The following BCAS3 variants were observed in gnomAD, a reference collection of about 807,000 sequenced individuals.
BCAS3 encodes the protein BCAS4/BCAS3 fusion.
A neutral mutation model predicts 116.1 loss-of-function variants in BCAS3; 53 were observed. The observed-to-expected ratio is 0.46, with a 90% CI of 0.37 to 0.57. The LOEUF (loss-of-function observed/expected upper bound fraction) is 0.57, where lower values mean the gene tolerates loss of function less well. BCAS3 is among the 20% of genes least tolerant of loss of function. BCAS3 has a pLI of 0.00. For missense variants in BCAS3, 917 were observed against 1,165.4 expected, an observed-to-expected ratio of 0.79 and a Z score of 3.10; for synonymous variants, 391 against 408.2, an observed-to-expected ratio of 0.96 and a Z score of 0.51.
Position 61,008,392 on chromosome 17 carries a change from A to AT in BCAS3, c.1487-7353dup, listed in dbSNP as rs1329309666. On this transcript the variant is annotated intron_variant, in intron 15 of 23. Transcript: ENST00000407086. This position sits in a 1 kb window ranked among gnomAD's most constrained non-coding sequence, Gnocchi z 4.6. ...CAGGAAATTCCCTTCTACACAGGGT[A>AT]TTTTTTGTTAAATAACTATTGAGAG... Among the ~76,000 whole-genome samples, 3 of 152,034 alleles carry AT rather than the reference A, an allele frequency of 2.0e-5. No individual in the cohort carries two copies. The East Asian group carries it at 5.8e-4, about 29-fold the overall frequency.
chr17:61,377,541 G>A lies in BCAS3; in HGVS notation c.2593+9047G>A, dbSNP rs1011531949. 2.0e-5 allele frequency among the ~76,000 whole-genome samples: 3 copies of A among 152,184 alleles called. No homozygotes were observed. The highest frequency in any genetic ancestry group is 7.2e-5 in the African/African-American group (3 of 41,440). On this transcript the variant is annotated intron_variant, in intron 23 of 23. Transcript: ENST00000407086. This position sits in a 1 kb window ranked among gnomAD's most constrained non-coding sequence, Gnocchi z 4.6. ...GGATTTGAAGCCCTCATCAAGCAATGGGGTAAACCTGTGACCCTGGGCAAG... is the reference window on the plus strand; with the variant it reads ...GGATTTGAAGCCCTCATCAAGCAATAGGGTAAACCTGTGACCCTGGGCAAG...
intron 22 of BCAS3, among the ~76,000 whole-genome samples, chr17:61,277,473 CAA>C (rs987912103): frequency 4.0e-5 from 6 of 151,866 alleles, no homozygotes; most frequent in African/African-American, 1.5e-4. Flanking sequence ...AAAGTACAAA[CAA>C]GAGAAAAATA....
intron 2 of BCAS3, among the ~76,000 whole-genome samples, chr17:60,681,424 C>T (rs879535457): frequency 1.1e-4 from 16 of 151,624 alleles, no homozygotes; most frequent in African/African-American, 1.5e-4. Flanking sequence ...CGCTTGAACC[C>T]GGGAGGCGGA....
chr17:61,167,253 T>C (rs927444544), intron 22 of BCAS3, among the ~76,000 whole-genome samples: 1 of 152,184 alleles, frequency 6.6e-6, no homozygotes, highest in African/African-American at 2.4e-5. Flanking sequence ...AATTGCAAAA[T>C]TAATGGCACA....
At chr17:61,053,659 G>T (rs1295436228) in intron 19 of BCAS3, among the ~76,000 whole-genome samples, 1 of 152,154 alleles carries the variant, frequency 6.6e-6, no homozygotes. Context: ...ATATTTCCTT[G>T]CATTGTCCAT....
chr17:60,849,111 C>G (rs1024887049), intron 7 of BCAS3, among the ~76,000 whole-genome samples: 1 of 152,064 alleles, frequency 6.6e-6, no homozygotes, highest in Non-Finnish European at 1.5e-5. Flanking sequence ...CACACAAAAC[C>G]GTTTTAAGGA....
chr17:60,929,362 A>G (rs2059520958), intron 13 of BCAS3, among the ~76,000 whole-genome samples: 1 of 152,146 alleles, frequency 6.6e-6, no homozygotes. Flanking sequence ...CAAGAAGTTA[A>G]GGCTGCAGTG....
At chr17:61,060,329 G>A (rs1459569229) in intron 19 of BCAS3, among the ~76,000 whole-genome samples, 1 of 151,262 alleles carries the variant, frequency 6.6e-6, no homozygotes, top group Non-Finnish European at 1.5e-5. Flanking sequence ...TAGAGACGGG[G>A]TTTCACCGTG....
intron 22 of BCAS3, among the ~76,000 whole-genome samples, chr17:61,353,370 G>T (rs537706081): frequency 6.6e-6 from 1 of 152,186 alleles, no homozygotes; most frequent in South Asian, 2.1e-4. Flanking sequence ...AGCTGGTGAC[G>T]CCGGCGGTCT....
chr17:61,368,437 C>T lies in BCAS3; in HGVS notation c.2536C>T (p.Arg846Ter), dbSNP rs1358817701. ...MEHTEEGLRE[R>*]LADAMAESPS... Reference sequence around the variant, plus strand: ...GCACACGGAGGAGGGCCTCCGGGAGCGACTTGCCGACGCCATGGCCGAGTC... The same window carrying T: ...GCACACGGAGGAGGGCCTCCGGGAGTGACTTGCCGACGCCATGGCCGAGTC... The change falls in exon 23 of 24, where the codon CGA (arginine) becomes TGA (stop). Residue 846 changes from arginine (R) to a stop codon, truncating the protein, a stop_gained. Coordinates refer to ENST00000407086, the MANE Select transcript of BCAS3 (RefSeq NM_017679.5). LOFTEE classifies it high-confidence loss of function. The surrounding 1 kb of genome is among the most constrained non-coding windows in gnomAD (Gnocchi z 6.0). 1.2e-6 allele frequency: 2 copies of T among 1,612,264 alleles called. No homozygotes were observed. Among genetic ancestry groups the T allele is most frequent in the South Asian group, 1.1e-5 (1 of 91,024 alleles).
chr17:61,216,393 C>A (rs778297689), intron 22 of BCAS3, among the ~76,000 whole-genome samples: 34 of 152,064 alleles, frequency 2.2e-4, no homozygotes, highest in Non-Finnish European at 4.6e-4. Flanking sequence ...GCAGTTGGCT[C>A]TAGCTAAACC....
chr17:61,105,506 G>C lies in BCAS3; in HGVS notation c.2425+20942G>C, dbSNP rs562224373. On this transcript the variant is annotated intron_variant, in intron 22 of 23. Coordinates refer to ENST00000407086, the MANE Select transcript of BCAS3 (RefSeq NM_017679.5). This position sits in a 1 kb window ranked among gnomAD's most constrained non-coding sequence, Gnocchi z 4.3. ...ATGGCGCGACCTTGGCTCAAAGCAA[G>C]CTCTGTCTCCTAGATTCAAGTGATT... is the stretch of plus-strand genomic sequence containing the variant. Among the ~76,000 whole-genome samples the C allele has an allele frequency of 1.6e-4, 24 of 152,300 alleles. No individual in the cohort carries two copies. The highest frequency in any genetic ancestry group is 5.3e-4 in the African/African-American group (22 of 41,578).
Position 61,220,706 on chromosome 17 carries a change from G to GA in BCAS3, c.2425+136151dup, listed in dbSNP as rs201583084. ...AAGGGAACTAGTGGTAAGAATGGAA[G>GA]AAAAAAAAAGTGGCCAAATTAACAA... On this transcript the variant is annotated intron_variant, in intron 22 of 23. Transcript: ENST00000407086. The surrounding 1 kb of genome is among the most constrained non-coding windows in gnomAD (Gnocchi z 4.5). 1.5e-3 allele frequency among the ~76,000 whole-genome samples: 221 copies of GA among 151,230 alleles called. 3 individuals carry two copies. The East Asian group carries it at 0.018, about 12-fold the overall frequency.
In BCAS3 at chr17:61,098,180, A is replaced by G. The variant is rs1292400985; in HGVS notation, c.2425+13616A>G. 6.6e-6 allele frequency among the ~76,000 whole-genome samples: 1 copy of G among 152,212 alleles called. No homozygotes were observed. The highest frequency in any genetic ancestry group is 1.5e-5 in the Non-Finnish European group (1 of 68,034). On this transcript the variant is annotated intron_variant, in intron 22 of 23. Coordinates refer to ENST00000407086, the MANE Select transcript of BCAS3 (RefSeq NM_017679.5). This position sits in a 1 kb window ranked among gnomAD's most constrained non-coding sequence, Gnocchi z 4.2. ...CATAGAGAGGTAATCAATATGGTCTAGAGTTCTTGACCTGAACCTGTAATT... is the reference window on the plus strand; with the variant it reads ...CATAGAGAGGTAATCAATATGGTCTGGAGTTCTTGACCTGAACCTGTAATT...
intron 8 of BCAS3, among the ~76,000 whole-genome samples, chr17:60,874,258 G>A (rs1257456831): frequency 6.6e-6 from 1 of 151,978 alleles, no homozygotes; most frequent in African/African-American, 2.4e-5. Context: ...TTCTTATAGA[G>A]ACAGGGTCTT....
At chr17:60,752,304 G>GT (rs2042550114) in intron 6 of BCAS3, among the ~76,000 whole-genome samples, 1 of 151,612 alleles carries the variant, frequency 6.6e-6, no homozygotes, top group Non-Finnish European at 1.5e-5. Flanking sequence ...TATTTATATT[G>GT]TTTTTTCCCA....
intron 20 of BCAS3, among the ~76,000 whole-genome samples, chr17:61,076,518 A>AAT (rs1302135598): frequency 6.6e-6 from 1 of 152,198 alleles, no homozygotes; most frequent in African/African-American, 2.4e-5. Flanking sequence ...GTAAACCCCA[A>AAT]ATGTGTGTTT....
At chr17:60,856,887 A>G (rs911430908) in intron 7 of BCAS3, among the ~76,000 whole-genome samples, 2 of 152,208 alleles carry the variant, frequency 1.3e-5, no homozygotes, top group Non-Finnish European at 2.9e-5. Flanking sequence ...TGTTCTTTAA[A>G]TACTTTTAAT....
chr17:61,292,802 A>T (rs540270527), intron 22 of BCAS3, among the ~76,000 whole-genome samples: 33 of 152,304 alleles, frequency 2.2e-4, no homozygotes, highest in African/African-American at 7.5e-4. Context: ...GCAAACTATC[A>T]CTTACATGAT....
Sources: allele counts gnomAD v4.1 joint callset (sites outside exome capture counted in the v4.1 genomes callset), GRCh38; gene constraint gnomAD v4.1.1; non-coding constraint Gnocchi (gnomAD v3.1); transcripts MANE v1.5; gene names NCBI Gene and HGNC (gene_info 2026-07-23, HGNC 2026-07-21).